Variants in ERCC6 observed in about 807,000 individuals in gnomAD.
ERCC6 encodes ERCC excision repair 6, chromatin remodeling factor.
A neutral mutation model predicts 158.7 loss-of-function variants in ERCC6; 116 were observed. The observed-to-expected ratio is 0.73, with a 90% CI of 0.63 to 0.85. ERCC6 has a LOEUF of 0.85. Ranked by LOEUF, ERCC6 falls within the 40% of genes least tolerant of loss-of-function variation. ERCC6 has a pLI of 0.00. For synonymous variants in ERCC6, 678 were observed against 659.3 expected, an observed-to-expected ratio of 1.03 and a Z score of -0.43; for missense variants, 1,698 against 1,799.4, an observed-to-expected ratio of 0.94 and a Z score of 1.02.
Position 49,478,417 on chromosome 10 carries a change from G to T in ERCC6, c.2223C>A (p.Tyr741Ter). The T allele has an allele frequency of 6.2e-7, 1 of 1,614,046 alleles. No individual in the cohort carries two copies. The highest frequency in any genetic ancestry group is 8.5e-7 in the Non-Finnish European group (1 of 1,179,936). Residue 741 changes from tyrosine to a stop codon, truncating the protein, a stop_gained, in exon 11 of 21, where the codon TAC becomes TAA. Coordinates refer to ENST00000355832, the MANE Select transcript of ERCC6 (RefSeq NM_000124.4). LOFTEE classifies it high-confidence loss of function. ...ACVLRDTINP[Y>*]LLRRMKSDVK... ...CATCTGACTTCATTCTCCGCAGTAG[G>T]TATGGATTTATGGTATCTCGTAAGA...
At chr10:49,439,931 C>T in the ERCC6 span, among the ~76,000 whole-genome samples, 1 of 152,172 alleles carries the variant, frequency 6.6e-6, no homozygotes, top group South Asian at 2.1e-4. Flanking sequence ...CATCTGAGAC[C>T]ACCTCAGTCT....
intron 20 of ERCC6, 147 bp from the exon 21 acceptor site, chr10:49,459,381 AAAG>A: frequency 1.3e-6 from 1 of 786,066 alleles, no homozygotes; most frequent in Non-Finnish European, 2.1e-6. Context: ...CACCTAATGA[AAAG>A]GGAAAGGAGG....
rs200880466 is a variant in ERCC6 at position 49,455,039 on chromosome 10, C to CA, written c.*3775dup. Among the ~76,000 whole-genome samples, 775 of 149,296 alleles carry CA rather than the reference C, an allele frequency of 5.2e-3. 36 individuals are homozygous for CA. The East Asian group carries it at 0.11, about 21-fold the overall frequency. On this transcript the variant is annotated 3_prime_UTR_variant, in exon 21 of 21. Coordinates refer to ENST00000355832, the MANE Select transcript of ERCC6 (RefSeq NM_000124.4). ...AGCTAGGGAATGGTTCTTAAATAAA[C>CA]AAAAAAAAATGGAAAGACTGAATTT...
At chr10:49,483,301 T>C (rs1251422847) in intron 9 of ERCC6, 45 bp downstream of exon 9, 1 of 1,583,348 alleles carries the variant, frequency 6.3e-7, no homozygotes, top group Non-Finnish European at 8.7e-7. Flanking sequence ...CTGAATTAAT[T>C]ATTCTTCTCC....
At chr10:49,516,912 C>T (rs1223643057) in intron 5 of ERCC6, 1 of 1,614,066 alleles carries the variant, frequency 6.2e-7, no homozygotes, top group Admixed American at 1.7e-5. Context: ...AGCATCAGAG[C>T]CATCTTGAAT....
chr10:49,478,460 G>C lies in ERCC6; in HGVS notation c.2180C>G (p.Ala727Gly). The change falls in exon 11 of 21, where the codon GCT becomes GGT. Residue 727 changes from alanine (A) to glycine (G), a missense_variant. Transcript: ENST00000355832. ...SNASPVQVKT[A>G]YKCACVLRDT... The stretch of plus-strand genomic sequence containing the variant: ...TCGTAAGACACATGCACACTTGTAA[G>C]CAGTTTTGACCTTTAATAAGAGCAG... 6.2e-7 allele frequency: 1 copy of C among 1,609,240 alleles called. No homozygotes were observed. Among genetic ancestry groups the C allele is most frequent in the Non-Finnish European group, 8.5e-7 (1 of 1,176,196 alleles).
intron 18 of ERCC6, among the ~76,000 whole-genome samples, chr10:49,466,014 A>ATGTTAATG (rs747529731): frequency 6.1e-4 from 93 of 152,284 alleles, no homozygotes; most frequent in Non-Finnish European, 1.1e-3. Context: ...TTTTGTTACT[A>ATGTTAATG]TGTTAATGTG....
chr10:49,520,591 TA>T (rs963831370), intron 5 of ERCC6, among the ~76,000 whole-genome samples: 153 of 152,298 alleles, frequency 1.0e-3, no homozygotes, highest in African/African-American at 3.3e-3. Flanking sequence ...ACATCTGTTT[TA>T]TTATGTCAAG....
At chr10:49,508,432 C>T (rs1002141623) in intron 5 of ERCC6, among the ~76,000 whole-genome samples, 5 of 152,066 alleles carry the variant, frequency 3.3e-5, no homozygotes, top group Non-Finnish European at 7.4e-5. Context: ...GGCATCTTGT[C>T]GCCACAGAAC....
At chr10:49,504,976 TC>T (rs1336760484) in intron 6 of ERCC6, 3 of 152,176 alleles carry the variant, frequency 2.0e-5, no homozygotes, top group African/African-American at 7.2e-5. Flanking sequence ...TAAGTAGACT[TC>T]TTCCACAAGT....
the ERCC6 span, among the ~76,000 whole-genome samples, chr10:49,437,098 G>A: frequency 6.6e-6 from 1 of 152,098 alleles, no homozygotes; most frequent in African/African-American, 2.4e-5. Flanking sequence ...ATAAGTCTCA[G>A]GAGATCCGAT....
At chr10:49,499,347 A>G (rs956367460) in intron 7 of ERCC6, among the ~76,000 whole-genome samples, 1 of 152,246 alleles carries the variant, frequency 6.6e-6, no homozygotes, top group Non-Finnish European at 1.5e-5. Context: ...AACTTAACGA[A>G]AGAGTAAGAA....
intron 2 of ERCC6, among the ~76,000 whole-genome samples, chr10:49,532,326 C>T (rs1837487734): frequency 6.6e-6 from 1 of 152,154 alleles, no homozygotes; most frequent in Non-Finnish European, 1.5e-5. Flanking sequence ...CTTTCACGAG[C>T]TGGACAGAGA....
rs113028250 is a variant in ERCC6 at position 49,525,223 on chromosome 10, G to A, written c.653-446C>T. The A allele has an allele frequency of 1.7e-3, 319 of 191,072 alleles. 1 individual carries two copies. Among genetic ancestry groups the A allele is most frequent in the African/African-American group, 7.1e-3 (297 of 41,958 alleles). The allele number at this position is 191,072 out of a possible 1,614,324, so 11.8% of individuals were successfully genotyped here. A position where few individuals can be genotyped will look rare whatever the true frequency, so the allele number is the denominator to read the frequency against. Reference sequence around the variant, plus strand: ...TAAAACCAAAAACAGGGATCACCATGTACCTAAAAAGGAAAAACATAAATG... The same window carrying A: ...TAAAACCAAAAACAGGGATCACCATATACCTAAAAAGGAAAAACATAAATG... On this transcript the variant is annotated intron_variant, in intron 4 of 20. Coordinates refer to ENST00000355832, the MANE Select transcript of ERCC6 (RefSeq NM_000124.4).
chr10:49,493,048 G>T, intron 8 of ERCC6, 69 bp downstream of exon 8: 6 of 1,544,132 alleles, frequency 3.9e-6, no homozygotes, highest in Non-Finnish European at 5.3e-6. Context: ...ACATGGATCA[G>T]AGAAAAACCA....
At chr10:49,504,439 T>C (rs1851410120) in intron 6 of ERCC6, 1 of 152,158 alleles carries the variant, frequency 6.6e-6, no homozygotes, top group Non-Finnish European at 1.5e-5. Flanking sequence ...TTAGTACTAT[T>C]AATTGTGAAA....
chr10:49,495,595 C>T (rs1039304287), intron 7 of ERCC6, among the ~76,000 whole-genome samples: 1 of 152,118 alleles, frequency 6.6e-6, no homozygotes, highest in Non-Finnish European at 1.5e-5. Context: ...CCGATATCCC[C>T]AAAGCACCAC....
At chr10:49,515,616 T>C (rs1398721829) in intron 5 of ERCC6, 1 of 1,614,126 alleles carries the variant, frequency 6.2e-7, no homozygotes, top group Non-Finnish European at 8.5e-7. Flanking sequence ...TTTATGCAAT[T>C]GCCAAGCATT....
intron 14 of ERCC6, 32 bp downstream of exon 14, chr10:49,473,445 C>T (rs773630439): frequency 9.0e-6 from 12 of 1,340,534 alleles, no homozygotes; most frequent in Non-Finnish European, 1.3e-5. Context: ...ACAGCAGCAC[C>T]ACTCAACTTC....
Sources: gnomAD v4.1 joint callset for allele counts (sites outside exome capture counted in the v4.1 genomes callset) on GRCh38, gnomAD v4.1.1 for gene constraint, MANE v1.5 for transcripts, NCBI Gene and HGNC (gene_info 2026-07-23, HGNC 2026-07-21) for gene names.